Variants in ACYP2 observed in about 807,000 individuals in gnomAD.
ACYP2 encodes the protein acylphosphatase 2, also known as acylphosphatase-2.
ACYP2 carries 12 observed loss-of-function variants against 11.2 expected under a neutral mutation model. The ratio of observed to expected loss-of-function variants is 1.08; its 90% CI spans 0.69 to 1.74. The LOEUF (loss-of-function observed/expected upper bound fraction) is 1.74. Ranked by LOEUF, ACYP2 falls within the 40% of genes most tolerant of loss-of-function variation. The pLI is 0.00. For synonymous variants in ACYP2, 43 were observed against 32.2 expected, an observed-to-expected ratio of 1.33 and a Z score of -1.13; for missense variants, 134 against 101.9, an observed-to-expected ratio of 1.31 and a Z score of -1.35.
chr2:54,262,795 G>T (rs843689), intron 6 of ACYP2, among the ~76,000 whole-genome samples: 72,475 of 151,872 alleles, frequency 0.48, 18,226 homozygotes, highest in African/African-American at 0.65. Context: ...GGTTTTAACT[G>T]TATCATCTTT....
chr2:54,290,717 T>C (rs974579970), intron 6 of ACYP2, among the ~76,000 whole-genome samples: 2 of 152,086 alleles, frequency 1.3e-5, no homozygotes, highest in African/African-American at 2.4e-5. Context: ...GCATTTTTGG[T>C]GGGAGATGGA....
intron 6 of ACYP2, among the ~76,000 whole-genome samples, chr2:54,252,169 T>C (rs975870862): frequency 1.3e-5 from 2 of 152,246 alleles, no homozygotes; most frequent in Admixed American, 6.5e-5. Flanking sequence ...AAGAATTATA[T>C]AGCATGTACT....
chr2:54,186,792 G>C (rs1410856327), intron 6 of ACYP2, among the ~76,000 whole-genome samples: 1 of 152,118 alleles, frequency 6.6e-6, no homozygotes, highest in Non-Finnish European at 1.5e-5. Flanking sequence ...GGCATTACAG[G>C]TGTGAGCCAC....
intron 6 of ACYP2, among the ~76,000 whole-genome samples, chr2:54,184,707 AT>A (rs1457901033): frequency 1.3e-5 from 2 of 152,214 alleles, no homozygotes; most frequent in Non-Finnish European, 2.9e-5. Context: ...TGGGAAGACA[AT>A]TTACTAGCCC....
intron 6 of ACYP2, among the ~76,000 whole-genome samples, chr2:54,258,406 G>A (rs2104034384): frequency 6.6e-6 from 1 of 152,328 alleles, no homozygotes; most frequent in South Asian, 2.1e-4. Context: ...TGTCTGGAAT[G>A]TTCAAGAAAT....
intron 2 of ACYP2, among the ~76,000 whole-genome samples, chr2:53,989,417 A>G (rs1672180468): frequency 6.6e-6 from 1 of 151,994 alleles, no homozygotes; most frequent in Non-Finnish European, 1.5e-5. Flanking sequence ...GATATTAGTA[A>G]AACAAAGAAT....
At chr2:54,135,992 G>A (rs905067807) in intron 5 of ACYP2, among the ~76,000 whole-genome samples, 1 of 152,196 alleles carries the variant, frequency 6.6e-6, no homozygotes, top group Non-Finnish European at 1.5e-5. Context: ...CCGCCTTCCA[G>A]GCTCAAGTGA....
chr2:54,251,871 T>C (rs1340059652), intron 6 of ACYP2, among the ~76,000 whole-genome samples: 4 of 152,228 alleles, frequency 2.6e-5, no homozygotes, highest in East Asian at 1.9e-4. Flanking sequence ...TCAGATTCCC[T>C]ATGTTCCCTA....
At chr2:54,002,325 T>G (rs1308984384) in intron 2 of ACYP2, among the ~76,000 whole-genome samples, 1 of 151,750 alleles carries the variant, frequency 6.6e-6, no homozygotes, top group Non-Finnish European at 1.5e-5. Flanking sequence ...CTATGTCTTT[T>G]CATTACTTCA....
intron 4 of ACYP2, among the ~76,000 whole-genome samples, chr2:54,086,488 A>C (rs1333239439): frequency 1.3e-5 from 2 of 152,252 alleles, no homozygotes; most frequent in African/African-American, 2.4e-5. Context: ...AGTTAAGCAT[A>C]AAATATTCTC....
chr2:54,082,211 T>C (rs1677694031), intron 4 of ACYP2, among the ~76,000 whole-genome samples: 1 of 152,202 alleles, frequency 6.6e-6, no homozygotes, highest in South Asian at 2.1e-4. Context: ...TCATTTATGT[T>C]AGTAAACATA....
At chr2:54,079,324 C>T (rs1677521618) in intron 4 of ACYP2, among the ~76,000 whole-genome samples, 1 of 152,198 alleles carries the variant, frequency 6.6e-6, no homozygotes. Flanking sequence ...TTCCATCCAC[C>T]TTGCTACCAT....
intron 2 of ACYP2, among the ~76,000 whole-genome samples, chr2:53,997,072 A>G (rs539323064): frequency 3.6e-4 from 55 of 152,176 alleles, no homozygotes; most frequent in African/African-American, 1.0e-3. Flanking sequence ...CTATCTCCCC[A>G]ATATTCGTTT....
At chr2:54,041,998 C>T (rs1353325584) in intron 2 of ACYP2, among the ~76,000 whole-genome samples, 1 of 129,356 alleles carries the variant, frequency 7.7e-6, no homozygotes, top group African/African-American at 3.2e-5. Flanking sequence ...TTCAAACTCA[C>T]TTTATTCTTT....
chr2:54,201,960 G>A (rs1037338238), intron 6 of ACYP2, among the ~76,000 whole-genome samples: 2 of 151,948 alleles, frequency 1.3e-5, no homozygotes, highest in African/African-American at 2.4e-5. Context: ...CGCTTGCCTC[G>A]ACCTCCCAAA....
chr2:54,086,669 C>T (rs997220908), intron 4 of ACYP2, among the ~76,000 whole-genome samples: 1 of 152,160 alleles, frequency 6.6e-6, no homozygotes, highest in African/African-American at 2.4e-5. Flanking sequence ...ATGGGAAAGA[C>T]AAATTGTGTG....
intron 6 of ACYP2, among the ~76,000 whole-genome samples, chr2:54,165,289 C>T (rs1407010638): frequency 6.6e-6 from 1 of 152,138 alleles, no homozygotes; most frequent in East Asian, 1.9e-4. Flanking sequence ...GGTTTTGTAT[C>T]TCCTTTTAGG....
intron 6 of ACYP2, among the ~76,000 whole-genome samples, chr2:54,245,620 T>C (rs1160142156): frequency 1.3e-5 from 2 of 152,176 alleles, no homozygotes; most frequent in Non-Finnish European, 2.9e-5. Flanking sequence ...ACTAGTGATG[T>C]TGAGCTTTTT....
intron 4 of ACYP2, among the ~76,000 whole-genome samples, chr2:54,105,322 G>A (rs767734809): frequency 5.3e-5 from 8 of 152,018 alleles, no homozygotes; most frequent in Non-Finnish European, 8.8e-5. Context: ...TGGGAAACTC[G>A]AGCTTTCTAC....
Sources: gnomAD v4.1 joint callset for allele counts (sites outside exome capture counted in the v4.1 genomes callset) on GRCh38, gnomAD v4.1.1 for gene constraint, MANE v1.5 for transcripts, NCBI Gene and HGNC (gene_info 2026-07-23, HGNC 2026-07-21) for gene names.